Variants in TENM1 observed in about 807,000 individuals in gnomAD.
TENM1 encodes the protein teneurin transmembrane protein 1.
Under a neutral mutation model 174.8 loss-of-function variants are expected in TENM1, and 35 were observed. That is an observed-to-expected ratio of 0.20 (90% CI 0.15 to 0.27). The LOEUF (loss-of-function observed/expected upper bound fraction) is 0.27, where lower values mean the gene tolerates loss of function less well. Ranked by LOEUF, TENM1 falls within the 10% of genes least tolerant of loss-of-function variation. The pLI is 1.00. For missense variants in TENM1, 1,633 were observed against 2,130.1 expected, an observed-to-expected ratio of 0.77 and a Z score of 4.59; for synonymous variants, 781 against 798.7, an observed-to-expected ratio of 0.98 and a Z score of 0.37.
At chrX:125,148,959 A>G in the TENM1 span, among the ~76,000 whole-genome samples, 310 of 111,816 alleles carry the variant, frequency 2.8e-3, no homozygotes, top group Non-Finnish European at 3.4e-3. Flanking sequence ...TGCTAACAGA[A>G]TTTTCTCTCT....
chrX:124,552,734 C>T (rs370184477), intron 14 of TENM1, among the ~76,000 whole-genome samples: 1 of 111,560 alleles, frequency 9.0e-6, no homozygotes, highest in Non-Finnish European at 1.9e-5. Flanking sequence ...CACCCAATCT[C>T]CTTCCCACTC....
At chrX:124,829,988 G>T (rs1467479017) in intron 3 of TENM1, among the ~76,000 whole-genome samples, 1 of 112,283 alleles carries the variant, frequency 8.9e-6, no homozygotes, top group East Asian at 2.8e-4. Context: ...ACTATCGGTG[G>T]CACTTGGGAC....
intron 3 of TENM1, among the ~76,000 whole-genome samples, chrX:124,893,387 A>G (rs1397043297): frequency 8.9e-6 from 1 of 112,828 alleles, no homozygotes; most frequent in Non-Finnish European, 1.9e-5. Flanking sequence ...TAAAATGGAA[A>G]TAATAGAATT....
the TENM1 span, among the ~76,000 whole-genome samples, chrX:125,189,672 C>T: frequency 1.8e-5 from 2 of 111,593 alleles, no homozygotes; most frequent in Non-Finnish European, 3.8e-5. Context: ...AAACGGTCAG[C>T]AGAGATTGGC....
At chrX:124,807,663 T>C (rs1244598998) in intron 3 of TENM1, among the ~76,000 whole-genome samples, 1 of 111,025 alleles carries the variant, frequency 9.0e-6, no homozygotes, top group East Asian at 2.8e-4. Context: ...AAGATGTAAA[T>C]GGTGACATTA....
At chrX:125,138,104 A>G in the TENM1 span, among the ~76,000 whole-genome samples, 6 of 111,226 alleles carry the variant, frequency 5.4e-5, no homozygotes, top group African/African-American at 2.0e-4. Flanking sequence ...ATTCATGCAC[A>G]TAGAGGGAAA....
At chrX:124,630,905 T>A (rs946067812) in intron 11 of TENM1, among the ~76,000 whole-genome samples, 1 of 112,233 alleles carries the variant, frequency 8.9e-6, no homozygotes, top group Non-Finnish European at 1.9e-5. Context: ...GTATTTGTAC[T>A]CTTTATTTGG....
At chrX:124,382,938 C>CTATTTATT (rs3028397) in intron 30 of TENM1, 126 bp from the exon 34 acceptor site, 55,769 of 138,977 alleles carry the variant, frequency 0.4, 10,728 homozygotes, top group East Asian at 0.48. Context: ...AATAAAACTC[C>CTATTTATT]TATTTATTTA....
At chrX:124,703,696 T>C (rs936936223) in intron 5 of TENM1, among the ~76,000 whole-genome samples, 3 of 111,979 alleles carry the variant, frequency 2.7e-5, no homozygotes, top group African/African-American at 9.7e-5. Flanking sequence ...CATGTTTGAG[T>C]TGTAGAACTT....
intron 1 of TENM1, among the ~76,000 whole-genome samples, chrX:124,920,635 T>G (rs1302782239): frequency 9.0e-6 from 1 of 111,669 alleles, no homozygotes; most frequent in Admixed American, 9.5e-5. Flanking sequence ...CAGTTCCAGC[T>G]TCCTCATACC....
the TENM1 span, among the ~76,000 whole-genome samples, chrX:124,972,146 T>C: frequency 7.3e-5 from 8 of 109,114 alleles, no homozygotes; most frequent in Admixed American, 7.8e-4. Flanking sequence ...GGCAGGAGAA[T>C]TGCTTGAACC....
chrX:125,109,798 G>A, the TENM1 span, among the ~76,000 whole-genome samples: 2 of 111,518 alleles, frequency 1.8e-5, no homozygotes, highest in African/African-American at 6.5e-5. Flanking sequence ...GACAAATCGG[G>A]CTTGAGTAAA....
At chrX:124,890,725 G>A (rs1047427902) in intron 3 of TENM1, among the ~76,000 whole-genome samples, 2 of 110,168 alleles carry the variant, frequency 1.8e-5, no homozygotes, top group Non-Finnish European at 1.9e-5. Context: ...ATATACTGTC[G>A]GTGGGAATGT....
At chrX:124,901,466 C>T (rs2057663350) in intron 1 of TENM1, among the ~76,000 whole-genome samples, 1 of 110,845 alleles carries the variant, frequency 9.0e-6, no homozygotes, top group Non-Finnish European at 1.9e-5. Flanking sequence ...CTAGAAATGC[C>T]ATTTCTGTGT....
At chrX:124,586,627 C>G (rs1229665953) in intron 11 of TENM1, among the ~76,000 whole-genome samples, 2 of 108,640 alleles carry the variant, frequency 1.8e-5, no homozygotes, top group Non-Finnish European at 3.8e-5. Flanking sequence ...AAAACTGGCA[C>G]AAGAGAGGGA....
the TENM1 span, among the ~76,000 whole-genome samples, chrX:125,035,638 G>A: frequency 9.0e-6 from 1 of 111,554 alleles, no homozygotes. Context: ...AAACACAACT[G>A]CTAGTGATAA....
chrX:124,743,008 C>T (rs375254977), intron 3 of TENM1, among the ~76,000 whole-genome samples: 23 of 111,547 alleles, frequency 2.1e-4, no homozygotes, highest in East Asian at 1.4e-3. Flanking sequence ...TTAACTATTA[C>T]TACTAACTCA....
the TENM1 span, among the ~76,000 whole-genome samples, chrX:124,978,011 AGAGAGAGAGAG>A: frequency 2.2e-4 from 19 of 87,410 alleles, no homozygotes; most frequent in African/African-American, 8.3e-4. Flanking sequence ...AGAGAGAGAG[AGAGAGAGAGAG>A]ATCTTTTTCC....
intron 11 of TENM1, 82 bp downstream of exon 14, chrX:124,641,709 T>C: frequency 1.1e-6 from 1 of 949,667 alleles, no homozygotes; most frequent in Non-Finnish European, 1.5e-6. Flanking sequence ...GTACAGATCA[T>C]ATTTTAAGAA....
Sources: gnomAD v4.1 joint callset for allele counts (sites outside exome capture counted in the v4.1 genomes callset) on GRCh38, gnomAD v4.1.1 for gene constraint, MANE v1.5 for transcripts, NCBI Gene and HGNC (gene_info 2026-07-23, HGNC 2026-07-21) for gene names.